Variants in GSE1 observed in about 807,000 individuals in gnomAD.
GSE1 encodes Gse1 coiled-coil protein.
Under a neutral mutation model 112.6 loss-of-function variants are expected in GSE1, and 32 were observed. The observed-to-expected ratio is 0.28, with a 90% CI of 0.21 to 0.38. The LOEUF is 0.38. Ranked by LOEUF, GSE1 falls within the 10% of genes least tolerant of loss-of-function variation. GSE1 has a pLI of 1.00. For synonymous variants in GSE1, 1,115 were observed against 735.6 expected, an observed-to-expected ratio of 1.52 and a Z score of -8.35; for missense variants, 2,348 against 1,699.2, an observed-to-expected ratio of 1.38 and a Z score of -6.71.
chr16:85,632,761 T>TGTGTGGCCC (rs987717969), intron 1 of GSE1, among the ~76,000 whole-genome samples: 22 of 152,034 alleles, frequency 1.4e-4, no homozygotes, highest in African/African-American at 5.3e-4. Context: ...AGCCCCACCA[T>TGTGTGGCCC]GTGTGGCCCC....
chr16:85,654,944 C>T lies in GSE1; in HGVS notation c.750C>T (p.Tyr250=), dbSNP rs982079934. 4.3e-6 allele frequency: 7 copies of T among 1,610,100 alleles called. No individual in the cohort carries two copies. The African/African-American group carries it at 5.3e-5, about 12-fold the overall frequency. The change falls in exon 5 of 16, where the codon TAC becomes TAT. Residue 250 remains tyrosine, a synonymous_variant. Transcript: ENST00000253458. ...GLDPATAAAY[Y]HPSYLAPHPF... is the part of the protein sequence containing the mutation. ...ACCCGGCCACTGCTGCAGCCTACTACCACCCCAGCTACCTGGCCCCACACC... is the reference window on the plus strand; with the variant it reads ...ACCCGGCCACTGCTGCAGCCTACTATCACCCCAGCTACCTGGCCCCACACC...
rs187443713 is a variant in GSE1 at position 85,206,201 on chromosome 16, G to A, written c.2283+34394G>A. On this transcript the variant is annotated intron_variant, in intron 1 of 2. Transcript: ENST00000637419. Reference sequence around the variant, plus strand: ...AGGGAAGCACCCAGATGGGGGGGGCGCATGTGCAAAGGGCGCCGGGTGTGG... The same window carrying A: ...AGGGAAGCACCCAGATGGGGGGGGCACATGTGCAAAGGGCGCCGGGTGTGG... Among the ~76,000 whole-genome samples the A allele has an allele frequency of 1.2e-3, 186 of 151,908 alleles. 2 individuals carry two copies. The highest frequency in any genetic ancestry group is 4.4e-3 in the African/African-American group (181 of 41,324).
intron 2 of GSE1, among the ~76,000 whole-genome samples, chr16:85,500,191 G>T (rs1391080410): frequency 1.3e-5 from 2 of 152,224 alleles, no homozygotes; most frequent in African/African-American, 4.8e-5. Flanking sequence ...GGCCCGCTCA[G>T]TCTGGAAAAG....
chr16:85,211,071 T>G (rs561586275), intron 1 of GSE1, among the ~76,000 whole-genome samples: 18 of 152,342 alleles, frequency 1.2e-4, no homozygotes, highest in Admixed American at 3.3e-4. Flanking sequence ...CCTTGAGTGC[T>G]CAAGGAGCAT....
chr16:85,554,544 T>C (rs2151252535), upstream of GSE1, among the ~76,000 whole-genome samples: 1 of 152,048 alleles, frequency 6.6e-6, no homozygotes, highest in Non-Finnish European at 1.5e-5. Flanking sequence ...TGATTACACT[T>C]GCAACAGGGA....
At chr16:85,253,429 A>C (rs1337240963) in intron 1 of GSE1, among the ~76,000 whole-genome samples, 2 of 152,156 alleles carry the variant, frequency 1.3e-5, no homozygotes, top group Non-Finnish European at 2.9e-5. Flanking sequence ...TGGGGTCTCC[A>C]GGGGGAACAG....
At chr16:85,245,701 G>C (rs1406785134) in intron 1 of GSE1, among the ~76,000 whole-genome samples, 1 of 152,046 alleles carries the variant, frequency 6.6e-6, no homozygotes, top group South Asian at 2.1e-4. Flanking sequence ...TAACAGATTG[G>C]GGACCTTTAA....
chr16:85,300,258 C>T (rs993513806), intron 1 of GSE1, among the ~76,000 whole-genome samples: 1 of 152,136 alleles, frequency 6.6e-6, no homozygotes, highest in African/African-American at 2.4e-5. Context: ...GTGATCGTCC[C>T]ACCTCGGCCT....
chr16:85,324,412 A>C (rs1444939937), intron 1 of GSE1, among the ~76,000 whole-genome samples: 1 of 151,584 alleles, frequency 6.6e-6, no homozygotes, highest in Non-Finnish European at 1.5e-5. Flanking sequence ...TGGGAGGCTG[A>C]GGCAGGAGAA....
At position 85,634,061 on chromosome 16, in the gene GSE1, C is replaced by T; in HGVS notation, c.155C>T (p.Ala52Val). 4 of 1,607,196 alleles carry T rather than the reference C, an allele frequency of 2.5e-6. No homozygotes were observed. The highest frequency in any genetic ancestry group is 1.1e-5 in the South Asian group (1 of 90,594). The change falls in exon 2 of 16, where the codon GCC becomes GTC. Residue 52 changes from alanine to valine, a missense_variant. Coordinates refer to ENST00000253458, the MANE Select transcript of GSE1 (RefSeq NM_014615.5). The stretch of plus-strand genomic sequence containing the variant: ...CCCGCCACCAGCAGCGCGCTGTCGG[C>T]CCAGGCCGCGCCATCCTCCAGCTTT... ...GSPATSSALS[A>V]QAAPSSSFAA...
intron 2 of GSE1, among the ~76,000 whole-genome samples, chr16:85,508,948 CT>C (rs2051637986): frequency 1.3e-5 from 2 of 152,188 alleles, no homozygotes; most frequent in Non-Finnish European, 2.9e-5. Flanking sequence ...GACAACAGCG[CT>C]GCTGGTCACT....
intron 2 of GSE1, among the ~76,000 whole-genome samples, chr16:85,453,230 G>A (rs558767608): frequency 7.9e-5 from 12 of 152,276 alleles, no homozygotes; most frequent in African/African-American, 2.6e-4. Context: ...AAGCTGTTTT[G>A]GGGAGCTCTG....
At position 85,343,315 on chromosome 16, in the gene GSE1, G is replaced by T. The variant is rs1458741351; in HGVS notation, c.2284-14148G>T. Among the ~76,000 whole-genome samples, 3 of 152,282 alleles carry T rather than the reference G, an allele frequency of 2.0e-5. No individual in the cohort carries two copies. The South Asian group carries it at 6.2e-4, about 32-fold the overall frequency. On this transcript the variant is annotated intron_variant, in intron 1 of 2. Transcript: ENST00000637419. ...CTTGAGGTGACCGAGTTCTAGAATG[G>T]AGAGCAGATTAGCGGTTATCAATTC...
chr16:85,664,816 G>A, intron 11 of GSE1, 199 bp from the exon 12 acceptor site: 2 of 579,556 alleles, frequency 3.5e-6, no homozygotes, highest in Admixed American at 2.9e-5. Flanking sequence ...AGGACATTGT[G>A]TAGTGGATGC....
At chr16:85,615,004 G>C (rs1373926641) in intron 1 of GSE1, among the ~76,000 whole-genome samples, 1 of 152,212 alleles carries the variant, frequency 6.6e-6, no homozygotes, top group Non-Finnish European at 1.5e-5. Flanking sequence ...CTGGTCGGCC[G>C]TCTCGTCCTC....
At chr16:85,590,524 ATTGT>A (rs1157414282) in intron 1 of GSE1, among the ~76,000 whole-genome samples, 1 of 146,116 alleles carries the variant, frequency 6.8e-6, no homozygotes, top group Non-Finnish European at 1.5e-5. Context: ...TGTGTGTGTG[ATTGT>A]GTGAGCATGT....
rs538922571 is a variant in GSE1, at chr16:85,620,159, G to A, written c.7+6761G>A. On this transcript the variant is annotated intron_variant, in intron 1 of 15. Coordinates refer to ENST00000253458, the MANE Select transcript of GSE1 (RefSeq NM_014615.5). ...GAACTGGCCAGGCTTGGTGGGATGCGCCTGTGGTTCCAGCTACTCAGGAGG... is the reference window on the plus strand; with the variant it reads ...GAACTGGCCAGGCTTGGTGGGATGCACCTGTGGTTCCAGCTACTCAGGAGG... 9.9e-4 allele frequency among the ~76,000 whole-genome samples: 151 copies of A among 152,262 alleles called. 1 individual carries two copies. Among genetic ancestry groups the A allele is most frequent in the African/African-American group, 2.7e-3 (113 of 41,544 alleles).
chr16:85,588,368 G>T (rs1347853439), intron 1 of GSE1, among the ~76,000 whole-genome samples: 2 of 152,108 alleles, frequency 1.3e-5, no homozygotes, highest in Non-Finnish European at 2.9e-5. Context: ...TGCGGGCCTT[G>T]GGGGGCCCGT....
At chr16:85,585,928 T>A (rs1484240820) in intron 1 of GSE1, among the ~76,000 whole-genome samples, 3 of 152,164 alleles carry the variant, frequency 2.0e-5, no homozygotes, top group African/African-American at 7.2e-5. Flanking sequence ...CTTGGGCAAG[T>A]TACTCAACCT....
Sources: gnomAD v4.1 joint callset for allele counts (sites outside exome capture counted in the v4.1 genomes callset) on GRCh38, gnomAD v4.1.1 for gene constraint, MANE v1.5 for transcripts, NCBI Gene and HGNC (gene_info 2026-07-23, HGNC 2026-07-21) for gene names.